ASB15: variants seen among roughly 807,000 people sequenced by gnomAD.
The protein encoded by ASB15 is ankyrin repeat and SOCS box containing 15, also known as ankyrin repeat and SOCS box protein 15.
In ASB15, 54 loss-of-function variants were observed where a neutral mutation model predicts 58.0. The ratio of observed to expected loss-of-function variants is 0.93; its 90% CI spans 0.75 to 1.17. The LOEUF is 1.17. Among genes scored for constraint, ASB15 ranks in the 50% most tolerant of loss-of-function variants. ASB15 has a pLI of 0.00. For synonymous variants in ASB15, 249 were observed against 262.4 expected, an observed-to-expected ratio of 0.95 and a Z score of 0.50; for missense variants, 680 against 707.4, an observed-to-expected ratio of 0.96 and a Z score of 0.44.
chr7:123,628,920 TAAC>T lies in ASB15; in HGVS notation c.928_930del (p.Thr310del), dbSNP rs1562939877. ...AAAAATGCAATTCGGAAAAGTGGGC[TAAC>T]ACCAATTCACTCAGCAGCAGATGGA... On this transcript the variant is annotated inframe_deletion, in exon 10 of 12. Coordinates refer to ENST00000451215, the MANE Select transcript of ASB15 (RefSeq NM_001290258.2). 9 of 1,597,696 alleles carry T rather than the reference TAAC, an allele frequency of 5.6e-6. No individual in the cohort carries two copies. The highest frequency in any genetic ancestry group is 7.7e-6 in the Non-Finnish European group (9 of 1,173,086).
At chr7:123,587,868 G>A (rs1312307282) in intron 1 of ASB15, among the ~76,000 whole-genome samples, 2 of 151,686 alleles carry the variant, frequency 1.3e-5, no homozygotes, top group Non-Finnish European at 1.5e-5. Context: ...AATTATACTT[G>A]CATCCCAGAG....
chr7:123,575,641 A>C (rs1799042841), intron 1 of ASB15, among the ~76,000 whole-genome samples: 2 of 152,034 alleles, frequency 1.3e-5, no homozygotes, highest in South Asian at 4.1e-4. Context: ...GTTTGGTTGT[A>C]ACAATATGTT....
chr7:123,608,734 G>A (rs1329363757), intron 3 of ASB15, 80 bp downstream of exon 3: 1 of 152,172 alleles, frequency 6.6e-6, no homozygotes. Context: ...TGGGGAACTA[G>A]TTGATTCTGT....
rs1802492532 is a variant in ASB15, at chr7:123,637,769, A to C, written c.*788A>C. ...TTTTGCTAGAGACTACAAAATTTCCATCCAAAGCTCAGCTCTTTCTCTCAT... is the reference window on the plus strand; with the variant it reads ...TTTTGCTAGAGACTACAAAATTTCCCTCCAAAGCTCAGCTCTTTCTCTCAT... On this transcript the variant is annotated 3_prime_UTR_variant, in exon 12 of 12. Transcript: ENST00000451215. The C allele has an allele frequency of 6.6e-6, 1 of 151,176 alleles. No individual in the cohort carries two copies. The highest frequency in any genetic ancestry group is 1.5e-5 in the Non-Finnish European group (1 of 67,966). 9.4% of individuals were successfully genotyped at this position (151,176 alleles called of 1,614,324 possible).
At chr7:123,617,120 T>C (rs1348892565) in intron 6 of ASB15, among the ~76,000 whole-genome samples, 1 of 152,156 alleles carries the variant, frequency 6.6e-6, no homozygotes, top group Non-Finnish European at 1.5e-5. Context: ...ACATACTTGA[T>C]TATAAGCCAG....
intron 1 of ASB15, among the ~76,000 whole-genome samples, chr7:123,596,641 A>C (rs1252811235): frequency 6.6e-6 from 1 of 152,148 alleles, no homozygotes; most frequent in Non-Finnish European, 1.5e-5. Flanking sequence ...TAAGGAAAAA[A>C]TAAAGAAAGA....
upstream of ASB15, among the ~76,000 whole-genome samples, chr7:123,600,586 G>T (rs929695484): frequency 2.6e-5 from 4 of 152,114 alleles, no homozygotes; most frequent in Admixed American, 6.5e-5. Context: ...TTCCAAATTA[G>T]ATTAATAATG....
chr7:123,627,035 A>G, intron 8 of ASB15, 75 bp from the exon 9 acceptor site: 1 of 1,475,038 alleles, frequency 6.8e-7, no homozygotes, highest in South Asian at 1.3e-5. Flanking sequence ...GCCCAGCCCC[A>G]CAACAGGCTG....
intron 1 of ASB15, chr7:123,584,808 T>C (rs1200508377): frequency 6.6e-6 from 1 of 151,954 alleles, no homozygotes; most frequent in African/African-American, 2.4e-5. Context: ...AGTAAAACTA[T>C]GAAACTTTCC....
intron 10 of ASB15, 29 bp from the exon 11 acceptor site, chr7:123,629,937 A>G: frequency 6.7e-7 from 1 of 1,492,924 alleles, no homozygotes; most frequent in Non-Finnish European, 9.2e-7. Context: ...TAAAAATACT[A>G]CTAAATTAAA....
chr7:123,623,847 G>C (rs1801501076), intron 7 of ASB15, among the ~76,000 whole-genome samples: 1 of 132,858 alleles, frequency 7.5e-6, no homozygotes, highest in Non-Finnish European at 1.5e-5. Context: ...CTGAGCGACA[G>C]AGCGAGACTC....
intron 3 of ASB15, chr7:123,612,300 A>C: frequency 6.6e-6 from 1 of 152,234 alleles, no homozygotes; most frequent in East Asian, 1.9e-4. Flanking sequence ...AGCTGTTTGC[A>C]ATAGTTGACA....
At chr7:123,593,919 T>A (rs994378847) in intron 1 of ASB15, among the ~76,000 whole-genome samples, 6 of 152,190 alleles carry the variant, frequency 3.9e-5, no homozygotes, top group Non-Finnish European at 7.3e-5. Flanking sequence ...GGTACACCAA[T>A]CAAACATAGA....
chr7:123,572,905 T>C (rs940643348), intron 1 of ASB15, among the ~76,000 whole-genome samples: 1 of 152,132 alleles, frequency 6.6e-6, no homozygotes, highest in East Asian at 1.9e-4. Context: ...GTTGACATTT[T>C]TCTTTTTTCT....
At chr7:123,627,010 G>C in intron 8 of ASB15, 100 bp from the exon 9 acceptor site, 1 of 1,274,702 alleles carries the variant, frequency 7.8e-7, no homozygotes, top group Non-Finnish European at 1.1e-6. Context: ...TGGGATTACA[G>C]GTGTGAGCCA....
intron 11 of ASB15, among the ~76,000 whole-genome samples, chr7:123,635,387 T>G (rs558749385): frequency 6.6e-6 from 1 of 152,144 alleles, no homozygotes; most frequent in Non-Finnish European, 1.5e-5. Flanking sequence ...ACCGTCTCTT[T>G]TTTAGCTTGG....
chr7:123,571,814 G>T (rs1798914485), intron 1 of ASB15, among the ~76,000 whole-genome samples: 1 of 152,170 alleles, frequency 6.6e-6, no homozygotes. Flanking sequence ...TCCCAAGCTG[G>T]AGTGCAGTGG....
At chr7:123,600,377 A>G (rs1799837690), upstream of ASB15, among the ~76,000 whole-genome samples, 1 of 152,210 alleles carries the variant, frequency 6.6e-6, no homozygotes. Context: ...CAGGCATACC[A>G]TCATTAGTTT....
At chr7:123,584,208 A>G (rs1175583519) in intron 1 of ASB15, among the ~76,000 whole-genome samples, 1 of 151,456 alleles carries the variant, frequency 6.6e-6, no homozygotes, top group Admixed American at 6.6e-5. Flanking sequence ...CATGATCCAA[A>G]CTGAGTTCCA....
Sources: allele counts gnomAD v4.1 joint callset (sites outside exome capture counted in the v4.1 genomes callset), GRCh38; gene constraint gnomAD v4.1.1; transcripts MANE v1.5; gene names NCBI Gene and HGNC (gene_info 2026-07-23, HGNC 2026-07-21).